IL1RAPL2: variants seen among roughly 807,000 people sequenced by gnomAD.
IL1RAPL2 encodes X-linked interleukin-1 receptor accessory protein-like 2.
IL1RAPL2 carries 3 observed loss-of-function variants against 44.1 expected under a neutral mutation model. That is an observed-to-expected ratio of 0.07 (90% CI 0.03 to 0.18). The LOEUF (loss-of-function observed/expected upper bound fraction) is 0.18, where lower values mean the gene tolerates loss of function less well. IL1RAPL2 is among the 10% of genes least tolerant of loss of function. The probability of loss-of-function intolerance (pLI) is 1.00; values close to 1 mark genes in which losing one functional copy is unlikely to be tolerated. For synonymous variants in IL1RAPL2, 181 were observed against 178.8 expected, an observed-to-expected ratio of 1.01 and a Z score of -0.10; for missense variants, 391 against 496.4, an observed-to-expected ratio of 0.79 and a Z score of 2.02.
chrX:104,827,412 T>G (rs992886190), intron 2 of IL1RAPL2, among the ~76,000 whole-genome samples: 13 of 111,388 alleles, frequency 1.2e-4, no homozygotes, highest in Non-Finnish European at 1.9e-4. Context: ...ATGAAATTCG[T>G]GGTTGAAAAT....
At chrX:104,767,291 T>C (rs1341635605) in intron 2 of IL1RAPL2, among the ~76,000 whole-genome samples, 1 of 112,045 alleles carries the variant, frequency 8.9e-6, no homozygotes, top group Non-Finnish European at 1.9e-5. Flanking sequence ...CATTGCAATT[T>C]ATTTTACATT....
At chrX:105,599,106 G>C (rs989724600) in intron 6 of IL1RAPL2, among the ~76,000 whole-genome samples, 1 of 112,268 alleles carries the variant, frequency 8.9e-6, no homozygotes, top group East Asian at 2.8e-4. Flanking sequence ...ACCTTGAAGA[G>C]TATGGGTCAA....
intron 6 of IL1RAPL2, among the ~76,000 whole-genome samples, chrX:105,630,579 A>T (rs779183659): frequency 9.3e-6 from 1 of 107,254 alleles, no homozygotes. Context: ...GAAAGGCGCT[A>T]GGGAGAATAA....
chrX:105,361,635 C>A (rs1361216802), intron 5 of IL1RAPL2, among the ~76,000 whole-genome samples: 1 of 110,957 alleles, frequency 9.0e-6, no homozygotes, highest in Non-Finnish European at 1.9e-5. Context: ...CTGAAAGAGT[C>A]CTGGAAACTG....
At chrX:105,151,675 T>C (rs1241681663) in intron 2 of IL1RAPL2, among the ~76,000 whole-genome samples, 1 of 110,272 alleles carries the variant, frequency 9.1e-6, no homozygotes, top group Non-Finnish European at 1.9e-5. Flanking sequence ...AAAATTGGGA[T>C]AGTACCCAGA....
At chrX:104,606,657 C>T (rs959877710) in intron 1 of IL1RAPL2, among the ~76,000 whole-genome samples, 20 of 110,860 alleles carry the variant, frequency 1.8e-4, no homozygotes, top group Admixed American at 7.7e-4. Flanking sequence ...TCCTATACAC[C>T]GATAACAGAG....
intron 6 of IL1RAPL2, among the ~76,000 whole-genome samples, chrX:105,531,504 G>A (rs1011103267): frequency 4.5e-5 from 5 of 111,441 alleles, no homozygotes; most frequent in African/African-American, 1.6e-4. Flanking sequence ...TCTATGGGTT[G>A]TCTCTTCACT....
chrX:104,730,194 CT>C (rs1002863476), intron 2 of IL1RAPL2, among the ~76,000 whole-genome samples: 1 of 111,118 alleles, frequency 9.0e-6, no homozygotes, highest in South Asian at 3.8e-4. Flanking sequence ...TATTTGAAGA[CT>C]TTTTAAAAAT....
At chrX:105,116,710 TA>T (rs1385575462) in intron 2 of IL1RAPL2, among the ~76,000 whole-genome samples, 1 of 112,602 alleles carries the variant, frequency 8.9e-6, no homozygotes, top group Non-Finnish European at 1.9e-5. Flanking sequence ...TTTTGAAGAT[TA>T]AAAAAATATT....
intron 4 of IL1RAPL2, among the ~76,000 whole-genome samples, chrX:105,252,477 T>C: frequency 8.9e-6 from 1 of 111,883 alleles, no homozygotes; most frequent in East Asian, 2.8e-4. Flanking sequence ...TTTTTAAAAT[T>C]TAACAAGAGA....
In IL1RAPL2 at chrX:104,974,427, C is replaced by A. The variant is rs745535916; in HGVS notation, c.83-221048C>A. 4.5e-5 allele frequency among the ~76,000 whole-genome samples: 5 copies of A among 112,294 alleles called. No homozygotes were observed. The South Asian group carries it at 1.8e-3, about 41-fold the overall frequency. On this transcript the variant is annotated intron_variant, in intron 2 of 10. Transcript: ENST00000372582. ...ACTCTTTTATCAGCCAATATGATAG[C>A]CTGCTAAACACAACACACATTAAAC...
chrX:104,786,505 C>G (rs1932798617), intron 2 of IL1RAPL2, among the ~76,000 whole-genome samples: 1 of 111,941 alleles, frequency 8.9e-6, no homozygotes, highest in African/African-American at 3.3e-5. Flanking sequence ...GGTGGAAACT[C>G]AGGCTCTGAG....
At chrX:105,448,529 T>A (rs1378694993) in intron 5 of IL1RAPL2, among the ~76,000 whole-genome samples, 1 of 110,248 alleles carries the variant, frequency 9.1e-6, no homozygotes, top group Non-Finnish European at 1.9e-5. Flanking sequence ...CATGCCCGGC[T>A]AATTTTTGTA....
At chrX:104,580,795 C>A (rs963384931) in intron 1 of IL1RAPL2, among the ~76,000 whole-genome samples, 1 of 111,888 alleles carries the variant, frequency 8.9e-6, no homozygotes, top group Non-Finnish European at 1.9e-5. Flanking sequence ...TTTTCTATCT[C>A]TGAGTGTCAT....
intron 2 of IL1RAPL2, among the ~76,000 whole-genome samples, chrX:104,944,170 A>T (rs1458985586): frequency 9.0e-6 from 1 of 111,421 alleles, no homozygotes; most frequent in Non-Finnish European, 1.9e-5. Flanking sequence ...TCCAACTCTA[A>T]ATACCAAGGA....
chrX:105,602,240 C>T (rs975365756), intron 6 of IL1RAPL2, among the ~76,000 whole-genome samples: 1 of 110,252 alleles, frequency 9.1e-6, no homozygotes, highest in Non-Finnish European at 1.9e-5. Flanking sequence ...AGAGACACTG[C>T]ACCTACCACC....
intron 2 of IL1RAPL2, among the ~76,000 whole-genome samples, chrX:104,711,677 T>C (rs1177366085): frequency 1.1e-5 from 1 of 89,323 alleles, no homozygotes; most frequent in Admixed American, 1.3e-4. Context: ...GGCAATGACC[T>C]GGCTCATTGG....
intron 5 of IL1RAPL2, among the ~76,000 whole-genome samples, chrX:105,389,124 C>T (rs1372177718): frequency 9.0e-6 from 1 of 111,504 alleles, no homozygotes; most frequent in Non-Finnish European, 1.9e-5. Context: ...ATATCACTTG[C>T]TTGATGGTAG....
intron 1 of IL1RAPL2, among the ~76,000 whole-genome samples, chrX:104,650,733 C>G (rs1930138189): frequency 8.9e-6 from 1 of 111,822 alleles, no homozygotes; most frequent in Non-Finnish European, 1.9e-5. Context: ...CTCTACTATG[C>G]ATGTATCGCC....
Sources: gnomAD v4.1 joint callset for allele counts (sites outside exome capture counted in the v4.1 genomes callset) on GRCh38, gnomAD v4.1.1 for gene constraint, MANE v1.5 for transcripts, NCBI Gene and HGNC (gene_info 2026-07-23, HGNC 2026-07-21) for gene names.